Variants in NELL2 observed in about 807,000 individuals in gnomAD.
NELL2 encodes protein kinase C-binding protein NELL2.
In NELL2, 41 loss-of-function variants were observed where a neutral mutation model predicts 109.6. That is an observed-to-expected ratio of 0.37 (90% CI 0.29 to 0.49). The LOEUF is 0.49. NELL2 is among the 20% of genes least tolerant of loss of function. The pLI, the probability that NELL2 is intolerant of heterozygous loss-of-function variation, is 0.98. For missense variants in NELL2, 900 were observed against 1,008.3 expected, an observed-to-expected ratio of 0.89 and a Z score of 1.45; for synonymous variants, 355 against 344.7, an observed-to-expected ratio of 1.03 and a Z score of -0.33.
chr12:44,793,915 A>G (rs1214951915), intron 3 of NELL2, among the ~76,000 whole-genome samples: 2 of 152,308 alleles, frequency 1.3e-5, no homozygotes, highest in South Asian at 4.1e-4. Context: ...AAATATGATA[A>G]TTGTATAGTT....
intron 9 of NELL2, among the ~76,000 whole-genome samples, chr12:44,717,025 T>A (rs1426049798): frequency 2.6e-5 from 4 of 152,026 alleles, no homozygotes; most frequent in African/African-American, 9.7e-5. Flanking sequence ...AATTGCTTAA[T>A]TCTCTTTCAA....
intron 2 of NELL2, among the ~76,000 whole-genome samples, chr12:44,863,414 A>G (rs557895434): frequency 1.1e-4 from 16 of 152,350 alleles, no homozygotes; most frequent in Admixed American, 2.6e-4. Flanking sequence ...CTAGTAAAAG[A>G]ACCAAATCAC....
intron 12 of NELL2, among the ~76,000 whole-genome samples, chr12:44,687,157 G>C (rs948624633): frequency 6.6e-6 from 1 of 152,200 alleles, no homozygotes; most frequent in South Asian, 2.1e-4. Context: ...GGGTGGGAGT[G>C]ACCCGATTTT....
chr12:44,537,951 C>T (rs756107575), intron 15 of NELL2, among the ~76,000 whole-genome samples: 1 of 152,108 alleles, frequency 6.6e-6, no homozygotes, highest in South Asian at 2.1e-4. Flanking sequence ...ATCCTCTGCA[C>T]AAGTTGCACC....
chr12:44,854,688 A>ATGGG (rs2136787674), intron 2 of NELL2, among the ~76,000 whole-genome samples: 2 of 100,546 alleles, frequency 2.0e-5, no homozygotes, highest in African/African-American at 6.5e-5. Context: ...GGATGGGTGG[A>ATGGG]TGGATGGGTG....
chr12:44,779,299 C>T (rs542991316), intron 5 of NELL2, among the ~76,000 whole-genome samples: 56 of 152,152 alleles, frequency 3.7e-4, no homozygotes, highest in African/African-American at 1.3e-3. Flanking sequence ...GCTTTCAATC[C>T]GCTATTAACA....
intron 2 of NELL2, among the ~76,000 whole-genome samples, chr12:44,848,200 A>T (rs2658953): frequency 6.6e-6 from 1 of 152,002 alleles, no homozygotes; most frequent in Non-Finnish European, 1.5e-5. Context: ...CTGAAATTTA[A>T]CTGTCCCAAT....
intron 2 of NELL2, among the ~76,000 whole-genome samples, chr12:44,872,627 TAAAGCTA>T (rs1945196160): frequency 6.6e-6 from 1 of 152,138 alleles, no homozygotes; most frequent in African/African-American, 2.4e-5. Flanking sequence ...TTCTTTATTT[TAAAGCTA>T]AAAGACAGAA....
intron 12 of NELL2, among the ~76,000 whole-genome samples, chr12:44,699,676 C>T (rs1190007196): frequency 3.3e-5 from 5 of 152,030 alleles, no homozygotes; most frequent in African/African-American, 1.2e-4. Context: ...AACTTTGTAC[C>T]AAAATCACTA....
At chr12:44,580,103 T>C (rs562154583) in intron 15 of NELL2, among the ~76,000 whole-genome samples, 3 of 152,278 alleles carry the variant, frequency 2.0e-5, no homozygotes, top group African/African-American at 7.2e-5. Flanking sequence ...ATGATATGTG[T>C]TTAGAGAGAA....
At chr12:44,764,901 A>T (rs1369915969) in intron 9 of NELL2, among the ~76,000 whole-genome samples, 1 of 152,176 alleles carries the variant, frequency 6.6e-6, no homozygotes, top group East Asian at 1.9e-4. Flanking sequence ...TCAGGGATGC[A>T]CACCTGTTAG....
chr12:44,541,928 C>T (rs1436967777), intron 15 of NELL2, among the ~76,000 whole-genome samples: 1 of 152,130 alleles, frequency 6.6e-6, no homozygotes, highest in East Asian at 1.9e-4. Context: ...GGGGCAAAGC[C>T]AAGATCTAAG....
At chr12:44,818,110 T>C (rs1321628723) in intron 2 of NELL2, among the ~76,000 whole-genome samples, 3 of 152,198 alleles carry the variant, frequency 2.0e-5, no homozygotes, top group Non-Finnish European at 4.4e-5. Flanking sequence ...AATGCAATAG[T>C]TTCTCTCCAG....
chr12:44,599,021 G>T (rs1006544749), intron 15 of NELL2, among the ~76,000 whole-genome samples: 2 of 152,060 alleles, frequency 1.3e-5, no homozygotes, highest in African/African-American at 4.8e-5. Flanking sequence ...ACAGAATTTT[G>T]AAGTTAAAAA....
intron 15 of NELL2, among the ~76,000 whole-genome samples, chr12:44,550,932 G>A (rs980576821): frequency 6.6e-6 from 1 of 152,002 alleles, no homozygotes; most frequent in African/African-American, 2.4e-5. Flanking sequence ...TAAGTTCTGG[G>A]TATCTACTAT....
rs1198020589 is a variant in NELL2 at position 44,611,081 on chromosome 12, T to TAACA, written c.1445-115_1445-112dup. On this transcript the variant is annotated intron_variant, in intron 13 of 19. Transcript: ENST00000429094. ...TGGTAAATTCTTTCAACCACAGACA[T>TAACA]AACAAATTATAAATTATAGAAGAGC... 5.9e-6 allele frequency: 6 copies of TAACA among 1,014,668 alleles called. No individual in the cohort carries two copies. The African/African-American group carries it at 8.0e-5, about 14-fold the overall frequency. 62.9% of individuals were successfully genotyped at this position (1,014,668 alleles called of 1,614,324 possible). A position where few individuals can be genotyped will look rare whatever the true frequency, so the allele number is the denominator to read the frequency against.
At chr12:44,776,199 C>G in intron 7 of NELL2, 49 bp from the exon 8 acceptor site, 13 of 1,598,998 alleles carry the variant, frequency 8.1e-6, no homozygotes, top group Non-Finnish European at 1.0e-5. Flanking sequence ...TCCAGCAACA[C>G]AGAAATGTGA....
At chr12:44,778,538 T>C (rs1037119085) in intron 5 of NELL2, among the ~76,000 whole-genome samples, 1 of 152,156 alleles carries the variant, frequency 6.6e-6, no homozygotes, top group African/African-American at 2.4e-5. Flanking sequence ...TGTGGAGATT[T>C]TGAGGCCACA....
At chr12:44,685,015 A>G (rs7303685) in intron 12 of NELL2, among the ~76,000 whole-genome samples, 33,545 of 151,154 alleles carry the variant, frequency 0.22, 4,403 homozygotes, top group African/African-American at 0.38. Flanking sequence ...GTTGACAGTG[A>G]GGTGTTAAAG....
Sources: allele counts gnomAD v4.1 joint callset (sites outside exome capture counted in the v4.1 genomes callset), GRCh38; gene constraint gnomAD v4.1.1; transcripts MANE v1.5; gene names NCBI Gene and HGNC (gene_info 2026-07-23, HGNC 2026-07-21).